Variants in LUZP2 observed in about 807,000 individuals in gnomAD.
LUZP2 encodes the protein leucine zipper protein 2.
A neutral mutation model predicts 51.6 loss-of-function variants in LUZP2; 52 were observed. The ratio of observed to expected loss-of-function variants is 1.01; its 90% CI spans 0.81 to 1.27. The LOEUF is 1.27. Among genes scored for constraint, LUZP2 ranks in the 50% most tolerant of loss-of-function variants. The pLI, the probability that LUZP2 is intolerant of heterozygous loss-of-function variation, is 0.00. For missense variants in LUZP2, 436 were observed against 395.4 expected, an observed-to-expected ratio of 1.10 and a Z score of -0.87; for synonymous variants, 154 against 137.3, an observed-to-expected ratio of 1.12 and a Z score of -0.85.
intron 7 of LUZP2, among the ~76,000 whole-genome samples, chr11:24,946,900 A>G (rs138576443): frequency 2.2e-3 from 328 of 152,158 alleles, no homozygotes; most frequent in African/African-American, 7.7e-3. Flanking sequence ...TTACATATAT[A>G]TCTATATATT....
intron 7 of LUZP2, among the ~76,000 whole-genome samples, chr11:24,965,744 A>G (rs1265263939): frequency 1.3e-5 from 2 of 151,844 alleles, no homozygotes; most frequent in Non-Finnish European, 3.0e-5. Flanking sequence ...TGTATGTAGA[A>G]TATTAAATGG....
intron 5 of LUZP2, among the ~76,000 whole-genome samples, chr11:24,816,007 A>ATTTT: frequency 6.2e-4 from 1 of 1,610 alleles, no homozygotes; most frequent in African/African-American, 8.6e-4. Flanking sequence ...TTTTTTTTTT[A>ATTTT]AAAAAAAAAA....
chr11:24,959,126 G>C (rs1855307934), intron 7 of LUZP2, among the ~76,000 whole-genome samples: 1 of 152,036 alleles, frequency 6.6e-6, no homozygotes, highest in African/African-American at 2.4e-5. Context: ...CTCTGTTTTG[G>C]TACCAGTATC....
chr11:25,026,709 TAC>T (rs1857502819), intron 9 of LUZP2, among the ~76,000 whole-genome samples: 1 of 152,066 alleles, frequency 6.6e-6, no homozygotes, highest in Non-Finnish European at 1.5e-5. Context: ...GTTGCTATGA[TAC>T]AGTGTACACA....
rs117033121 is a variant in LUZP2 at position 24,741,261 on chromosome 11, T to C, written c.333+2959T>C. Among the ~76,000 whole-genome samples, 46 of 152,144 alleles carry C rather than the reference T, an allele frequency of 3.0e-4. 1 individual carries two copies. The East Asian group carries it at 8.5e-3, about 28-fold the overall frequency. On this transcript the variant is annotated intron_variant, in intron 4 of 11. Transcript: ENST00000336930. Reference sequence around the variant, plus strand: ...CAGAGACTTACAAATGGTGTCTTTATGGGAATCAGACATATTACCTGTCTG... The same window carrying C: ...CAGAGACTTACAAATGGTGTCTTTACGGGAATCAGACATATTACCTGTCTG...
chr11:25,058,575 C>T (rs1858750302), intron 10 of LUZP2, among the ~76,000 whole-genome samples: 3 of 152,164 alleles, frequency 2.0e-5, no homozygotes, highest in South Asian at 2.1e-4. Flanking sequence ...CACAGTACAC[C>T]TTGTATTTTG....
intron 1 of LUZP2, among the ~76,000 whole-genome samples, chr11:24,624,867 G>T (rs1053562801): frequency 6.6e-6 from 1 of 152,060 alleles, no homozygotes. Context: ...TTATTATTAG[G>T]CTGTATTTGA....
At chr11:24,828,898 G>A (rs1018886591) in intron 5 of LUZP2, among the ~76,000 whole-genome samples, 5 of 152,174 alleles carry the variant, frequency 3.3e-5, no homozygotes, top group Non-Finnish European at 7.3e-5. Flanking sequence ...GAGAGAAATG[G>A]AACTCTGAGA....
intron 1 of LUZP2, among the ~76,000 whole-genome samples, chr11:24,566,453 C>G (rs1258654908): frequency 6.7e-6 from 1 of 149,220 alleles, no homozygotes; most frequent in Non-Finnish European, 1.5e-5. Flanking sequence ...CTCAGCCTCC[C>G]TAGTAGCTGG....
chr11:24,606,038 A>T (rs1355095313), intron 1 of LUZP2, among the ~76,000 whole-genome samples: 1 of 151,832 alleles, frequency 6.6e-6, no homozygotes, highest in Non-Finnish European at 1.5e-5. Flanking sequence ...CAGAATCTTC[A>T]TATTTTTTAT....
chr11:25,002,825 G>T (rs1408122444), intron 9 of LUZP2, among the ~76,000 whole-genome samples: 1 of 152,002 alleles, frequency 6.6e-6, no homozygotes, highest in African/African-American at 2.4e-5. Context: ...GATTTTGAAG[G>T]CTATTTCTGA....
At chr11:24,989,186 C>G (rs983825118) in intron 9 of LUZP2, among the ~76,000 whole-genome samples, 1 of 151,892 alleles carries the variant, frequency 6.6e-6, no homozygotes, top group African/African-American at 2.4e-5. Context: ...CAGATGAGTC[C>G]CCATATTTTA....
At chr11:24,739,919 G>T (rs1010363524) in intron 4 of LUZP2, among the ~76,000 whole-genome samples, 1 of 152,112 alleles carries the variant, frequency 6.6e-6, no homozygotes, top group Non-Finnish European at 1.5e-5. Context: ...GTGGCCTAAA[G>T]TCTGGCTCAC....
intron 7 of LUZP2, among the ~76,000 whole-genome samples, chr11:24,936,875 G>A (rs1304013156): frequency 2.0e-5 from 3 of 152,022 alleles, no homozygotes; most frequent in Non-Finnish European, 4.4e-5. Context: ...CTCATAACTA[G>A]CGTATCTTCC....
chr11:24,802,236 T>C (rs979948041), intron 5 of LUZP2, among the ~76,000 whole-genome samples: 1 of 152,084 alleles, frequency 6.6e-6, no homozygotes, highest in Non-Finnish European at 1.5e-5. Context: ...AGCCATATGG[T>C]TAGCTATGAT....
chr11:24,974,340 A>G (rs1203129077), intron 7 of LUZP2, among the ~76,000 whole-genome samples: 1 of 151,938 alleles, frequency 6.6e-6, no homozygotes, highest in African/African-American at 2.4e-5. Context: ...TGCACATGAG[A>G]TGGGTCTCTT....
At chr11:24,708,909 G>A (rs936060885) in intron 1 of LUZP2, among the ~76,000 whole-genome samples, 7 of 152,180 alleles carry the variant, frequency 4.6e-5, no homozygotes, top group African/African-American at 1.4e-4. Flanking sequence ...GGAGCTTTTA[G>A]AGCTGGTCCA....
At chr11:24,942,258 A>T (rs1043941694) in intron 7 of LUZP2, among the ~76,000 whole-genome samples, 3 of 152,100 alleles carry the variant, frequency 2.0e-5, no homozygotes, top group African/African-American at 7.2e-5. Flanking sequence ...GGCATATGTT[A>T]TTTTTTAAAT....
chr11:24,539,758 G>A (rs566858847), intron 1 of LUZP2, among the ~76,000 whole-genome samples: 1 of 152,040 alleles, frequency 6.6e-6, no homozygotes, highest in South Asian at 2.1e-4. Context: ...ACCATTTTGT[G>A]GGAGAAATTA....
Sources: gnomAD v4.1 joint callset for allele counts (sites outside exome capture counted in the v4.1 genomes callset) on GRCh38, gnomAD v4.1.1 for gene constraint, MANE v1.5 for transcripts, NCBI Gene and HGNC (gene_info 2026-07-23, HGNC 2026-07-21) for gene names.